Variants in PCNX3 observed in about 807,000 individuals in gnomAD.
PCNX3 encodes pecanex-like protein 3.
A neutral mutation model predicts 207.2 loss-of-function variants in PCNX3; 58 were observed. That is an observed-to-expected ratio of 0.28 (90% CI 0.23 to 0.35). The LOEUF is 0.35. Among genes scored for constraint, PCNX3 ranks in the 10% least tolerant of loss-of-function variants. The probability of loss-of-function intolerance (pLI) is 1.00; values close to 1 mark genes in which losing one functional copy is unlikely to be tolerated. For synonymous variants in PCNX3, 1,337 were observed against 1,183.5 expected (o/e 1.13, Z -2.66); for missense variants, 2,410 against 2,774.4 (o/e 0.87, Z 2.95).
At chr11:65,632,608 G>A (rs1216031872) in intron 27 of PCNX3, among the ~76,000 whole-genome samples, 1 of 136,598 alleles carries the variant, frequency 7.3e-6, no homozygotes, top group Non-Finnish European at 1.6e-5. Flanking sequence ...AGCGGCTGCT[G>A]GTATTGCCCC....
chr11:65,616,209 T>G lies in PCNX3; in HGVS notation c.-103T>G. The G allele has an allele frequency of 4.2e-6, 4 of 949,690 alleles. No homozygotes were observed. The highest frequency in any genetic ancestry group is 5.8e-6 in the Non-Finnish European group (4 of 693,502). 58.8% of individuals were successfully genotyped at this position (949,690 alleles called of 1,614,324 possible). Reference sequence around the variant, plus strand: ...GCTGGGGGAGGCCATGGCGTGAGCGTGAGGCCGGGCCCCGGGGCCCTCAGG... The same window carrying G: ...GCTGGGGGAGGCCATGGCGTGAGCGGGAGGCCGGGCCCCGGGGCCCTCAGG... On this transcript the variant is annotated 5_prime_UTR_variant, in exon 1 of 35. Coordinates refer to ENST00000355703, the MANE Select transcript of PCNX3 (RefSeq NM_032223.4).
Position 65,617,963 on chromosome 11 carries a change from C to T in PCNX3, c.601C>T (p.Pro201Ser), listed in dbSNP as rs757539386. 10 of 1,594,276 alleles carry T rather than the reference C, an allele frequency of 6.3e-6. No homozygotes were observed. Among genetic ancestry groups the T allele is most frequent in the Non-Finnish European group, 8.5e-6 (10 of 1,170,216 alleles). Residue 201 changes from proline (P) to serine (S), a missense_variant, in exon 6 of 35, where the codon CCA becomes TCA. Coordinates refer to ENST00000355703, the MANE Select transcript of PCNX3 (RefSeq NM_032223.4). ...KLIGDLPQTP[P>S]GAVPDPSLAS... ...AGTTGGAGACCTTCCCCAGACGCCT[C>T]CAGGGGCTGTCCCAGACCCCTCTCT...
At chr11:65,617,530 G>T in intron 4 of PCNX3, 21 bp downstream of exon 4, 1 of 1,613,976 alleles carries the variant, frequency 6.2e-7, no homozygotes, top group African/African-American at 1.3e-5. Context: ...GCTCTTCAGG[G>T]TTGGAGCATA....
intron 10 of PCNX3, among the ~76,000 whole-genome samples, chr11:65,621,956 C>T (rs1855126585): frequency 6.6e-6 from 1 of 152,284 alleles, no homozygotes; most frequent in East Asian, 1.9e-4. Context: ...GGAGAGTTTG[C>T]CTGACTGGGG....
chr11:65,625,670 G>A lies in PCNX3; in HGVS notation c.3154G>A (p.Asp1052Asn). Residue 1052 changes from aspartate (D) to asparagine (N), a missense_variant, in exon 19 of 35, where the codon GAC becomes AAC. By Grantham distance (23) the Asp-to-Asn change is conservative. Transcript: ENST00000355703. The surrounding 1 kb of genome is among the most constrained non-coding windows in gnomAD (Gnocchi z 5.6). The stretch of plus-strand genomic sequence containing the variant: ...CCTGCAGCGTGAGGTCTTGCACTCC[G>A]ACCTGGTGATGTGTGTGGTGATCGC... ...RQSVREVLHS[D>N]LVMCVVIAVL... The A allele has an allele frequency of 6.2e-7, 1 of 1,613,012 alleles. No homozygotes were observed. Among genetic ancestry groups the A allele is most frequent in the Non-Finnish European group, 8.5e-7 (1 of 1,179,794 alleles).
In PCNX3 at chr11:65,618,784, TGAG is replaced by T. The variant is rs1854903746; in HGVS notation, c.1427_1429del (p.Glu476del). On this transcript the variant is annotated inframe_deletion, in exon 6 of 35. Coordinates refer to ENST00000355703, the MANE Select transcript of PCNX3 (RefSeq NM_032223.4). The stretch of plus-strand genomic sequence containing the variant: ...GGAAGCGGAGGGCCCCCCATGGGGC[TGAG>T]GAGGGAACTGCTGTGCCCCCCAAGC... 1.9e-6 allele frequency: 3 copies of T among 1,611,582 alleles called. No homozygotes were observed. Among genetic ancestry groups the T allele is most frequent in the Non-Finnish European group, 2.5e-6 (3 of 1,179,390 alleles).
At chr11:65,627,357 C>A in intron 21 of PCNX3, 48 bp from the exon 22 acceptor site, 1 of 1,578,470 alleles carries the variant, frequency 6.3e-7, no homozygotes, top group South Asian at 1.1e-5. Flanking sequence ...CCTATACCCA[C>A]TGCCCCGGTC....
chr11:65,626,950 G>A lies in PCNX3; in HGVS notation c.3426G>A (p.Gln1142=), dbSNP rs746998022. ...TTGAGAAGCTGTATGCTGGCCTGCA[G>A]TGCGTAGAGAAGTACCTCATCTACC... ...MWFEKLYAGL[Q]CVEKYLIYPA... is the part of the protein sequence containing the mutation. The change falls in exon 21 of 35, where the codon CAG becomes CAA. Residue 1142 remains glutamine (Q), a synonymous_variant. Transcript: ENST00000355703. The A allele has an allele frequency of 8.2e-6, 13 of 1,578,968 alleles. No homozygotes were observed. In the South Asian group the frequency reaches 1.0e-4, roughly 13 times the overall value.
At position 65,624,223 on chromosome 11, in the gene PCNX3, G is replaced by T; in HGVS notation, c.2573G>T (p.Arg858Leu). ...CACAACTGGGTGATCGCGTACAGCC[G>T]TCCTGTCTACTTCTGCATCTGCTGT... Reference protein sequence around the residue: ...HGHNWVIAYSRPVYFCICCLL... With the variant: ...HGHNWVIAYSLPVYFCICCLL... The change falls in exon 14 of 35, where the codon CGT becomes CTT. Residue 858 changes from arginine to leucine, a missense_variant. By Grantham distance (102) the Arg-to-Leu change is moderately radical. Transcript: ENST00000355703. 1 of 1,607,812 alleles carries T rather than the reference G, an allele frequency of 6.2e-7. No homozygotes were observed.
Position 65,619,022 on chromosome 11 carries a change from C to G in PCNX3, c.1660C>G (p.Pro554Ala), listed in dbSNP as rs746155375. ...EARRGPAANQ[P>A]GWRGELQEEG... ...GCGAAGGGGACCCGCTGCCAACCAG[C>G]CCGGCTGGCGGGGGGAGCTGCAGGA... The change falls in exon 6 of 35, where the codon CCC (proline) becomes GCC (alanine). Residue 554 changes from proline to alanine, a missense_variant. Coordinates refer to ENST00000355703, the MANE Select transcript of PCNX3 (RefSeq NM_032223.4). 4 of 1,595,028 alleles carry G rather than the reference C, an allele frequency of 2.5e-6. No homozygotes were observed. Among genetic ancestry groups the G allele is most frequent in the Admixed American group, 1.7e-5 (1 of 59,404 alleles).
intron 10 of PCNX3, 86 bp from the exon 11 acceptor site, chr11:65,622,159 C>T (rs1019513956): frequency 2.1e-5 from 31 of 1,503,842 alleles, no homozygotes; most frequent in Admixed American, 1.0e-4. Flanking sequence ...AACAGTAGAC[C>T]ATGTGGGGGG....
rs1272140893 is a variant in PCNX3 at position 65,618,080 on chromosome 11, C to G, written c.718C>G (p.Leu240Val). The change falls in exon 6 of 35, where the codon CTG (leucine) becomes GTG (valine). Residue 240 changes from leucine (L) to valine (V), a missense_variant. Transcript: ENST00000355703. ...CATGGCTGACACTCCCATGAGCCCCCTGCTGAAGGGGAGCCTCAGCCAGGA... is the reference window on the plus strand; with the variant it reads ...CATGGCTGACACTCCCATGAGCCCCGTGCTGAAGGGGAGCCTCAGCCAGGA... ...SSMADTPMSPLLKGSLSQELS... is the reference protein window; with the variant it reads ...SSMADTPMSPVLKGSLSQELS... 1 of 1,608,544 alleles carries G rather than the reference C, an allele frequency of 6.2e-7. No homozygotes were observed. The highest frequency in any genetic ancestry group is 1.1e-5 in the South Asian group (1 of 90,484).
At chr11:65,620,558 G>C (rs1221128596) in intron 9 of PCNX3, 129 bp downstream of exon 9, 3 of 1,086,608 alleles carry the variant, frequency 2.8e-6, no homozygotes, top group African/African-American at 3.2e-5. Flanking sequence ...TGCAGGGAGA[G>C]GATGGGGAGC....
At chr11:65,629,812 G>A (rs1486690160) in intron 26 of PCNX3, 77 bp downstream of exon 26, 16 of 1,457,754 alleles carry the variant, frequency 1.1e-5, no homozygotes, top group African/African-American at 7.0e-5. Flanking sequence ...TAGCACGTGC[G>A]AAGGAGGTCC....
At position 65,627,570 on chromosome 11, in the gene PCNX3, G is replaced by A. The variant is rs2135455502; in HGVS notation, c.3690G>A (p.Leu1230=). Residue 1230 remains leucine (L), a synonymous_variant, in exon 22 of 35, where the codon CTG becomes CTA. Coordinates refer to ENST00000355703, the MANE Select transcript of PCNX3 (RefSeq NM_032223.4). ...GFLLDYFLMS[L]LCSKLWDLLY... ...TGCTTGACTACTTCCTCATGTCCCT[G>A]CTTTGCAGCAAGGTGAGTTGGTGGC... is the stretch of plus-strand genomic sequence containing the variant. 3.1e-6 allele frequency: 5 copies of A among 1,613,818 alleles called. No individual in the cohort carries two copies. Among genetic ancestry groups the A allele is most frequent in the Non-Finnish European group, 4.2e-6 (5 of 1,179,870 alleles).
chr11:65,628,902 A>G lies in PCNX3; in HGVS notation c.3895A>G (p.Ile1299Val). ...LNPLLGSAVF[I>V]MSYARPLKFW... ...CCCACTGCTAGGCAGTGCCGTCTTC[A>G]TCATGTCCTACGCTCGGCCCCTCAA... The change falls in exon 24 of 35, where the codon ATC becomes GTC. Residue 1299 changes from isoleucine (I) to valine (V), a missense_variant. By Grantham distance (29) the Ile-to-Val change is conservative. Around this residue, in one of 8 missense-constraint regions of PCNX3, gnomAD observed 420 missense variants for 705.3 expected, o/e 0.60. Transcript: ENST00000355703. 1.9e-6 allele frequency: 3 copies of G among 1,612,694 alleles called. No homozygotes were observed. Among genetic ancestry groups the G allele is most frequent in the Non-Finnish European group, 2.5e-6 (3 of 1,179,818 alleles).
In PCNX3 at chr11:65,626,133, G is replaced by A. The variant is rs548885711; in HGVS notation, c.3379+79G>A. ...GGCTGGTGGGAGCTGTGGTCCTCTC[G>A]GCTCAGGAGTGCCAGCAGGGGGCAC... On this transcript the variant is annotated intron_variant, in intron 20 of 34. Transcript: ENST00000355703. 138 of 1,529,948 alleles carry A rather than the reference G, an allele frequency of 9.0e-5. No individual in the cohort carries two copies. The Middle Eastern group carries it at 1.8e-3, about 20-fold the overall frequency. The allele number at this position is 1,529,948 out of a possible 1,614,324, so 94.8% of individuals were successfully genotyped here.
rs779550187 is a variant in PCNX3, at chr11:65,635,001, G to A, written c.4834G>A (p.Ala1612Thr). The A allele has an allele frequency of 5.6e-6, 9 of 1,613,712 alleles. No homozygotes were observed. Among genetic ancestry groups the A allele is most frequent in the Admixed American group, 1.7e-5 (1 of 59,990 alleles). ...GGAGCCCTTCCTCTACGGCCTGCAC[G>A]CCCTGTTCAAGGGGGATTTTCGCAT... ...SLEPFLYGLHALFKGDFRITS... is the reference protein window; with the variant it reads ...SLEPFLYGLHTLFKGDFRITS... Residue 1612 changes from alanine to threonine, a missense_variant, in exon 30 of 35, where the codon GCC becomes ACC. Around this residue, in one of 8 missense-constraint regions of PCNX3, gnomAD observed 420 missense variants for 705.3 expected, o/e 0.60. Transcript: ENST00000355703. The surrounding 1 kb of genome is among the most constrained non-coding windows in gnomAD (Gnocchi z 9.9).
Position 65,619,568 on chromosome 11 carries a change from A to G in PCNX3, c.1737A>G (p.Ser579=), listed in dbSNP as rs1237494666. 6.2e-7 allele frequency: 1 copy of G among 1,610,032 alleles called. No individual in the cohort carries two copies. The highest frequency in any genetic ancestry group is 1.3e-5 in the African/African-American group (1 of 75,048). ...AAEETGRRDR[S]SSVRRTQAIR... Reference sequence around the variant, plus strand: ...AGGAGACTGGCAGGCGGGACCGCTCAAGCAGTGTGAGGCGGACCCAGGCCA... The same window carrying G: ...AGGAGACTGGCAGGCGGGACCGCTCGAGCAGTGTGAGGCGGACCCAGGCCA... Residue 579 remains serine, a synonymous_variant, in exon 7 of 35, where the codon TCA becomes TCG. Transcript: ENST00000355703.
Sources: gnomAD v4.1 joint callset for allele counts (sites outside exome capture counted in the v4.1 genomes callset) on GRCh38, gnomAD v4.1.1 for gene constraint, gnomAD v4.1.1 regional missense constraint, Gnocchi (gnomAD v3.1) non-coding constraint, MANE v1.5 for transcripts, NCBI Gene and HGNC (gene_info 2026-07-23, HGNC 2026-07-21) for gene names.